The following SGCD variants were observed in gnomAD, a reference collection of about 807,000 sequenced individuals.
SGCD encodes the protein sarcoglycan delta.
SGCD carries 18 observed loss-of-function variants against 36.6 expected under a neutral mutation model. That is an observed-to-expected ratio of 0.49 (90% CI 0.34 to 0.73). SGCD has a LOEUF of 0.73. Ranked by LOEUF, SGCD falls within the 30% of genes least tolerant of loss-of-function variation. The probability of loss-of-function intolerance (pLI) is 0.01; values close to 1 mark genes in which losing one functional copy is unlikely to be tolerated. For missense variants in SGCD, 387 were observed against 346.7 expected (o/e 1.12, Z -0.92); for synonymous variants, 133 against 130.6 (o/e 1.02, Z -0.12).
At chr5:156,307,688 G>A (rs1767262565) in intron 3 of SGCD, among the ~76,000 whole-genome samples, 1 of 142,102 alleles carries the variant, frequency 7.0e-6, no homozygotes, top group Admixed American at 7.1e-5. Flanking sequence ...TAACTATTTT[G>A]TTTATAGTTA....
the SGCD span, among the ~76,000 whole-genome samples, chr5:155,736,422 G>A: frequency 6.6e-6 from 1 of 152,114 alleles, no homozygotes; most frequent in Admixed American, 6.5e-5. Flanking sequence ...TGGTATCTAA[G>A]GGTCAAGTGC....
At chr5:155,925,921 C>CT (rs113991178) in intron 1 of SGCD, among the ~76,000 whole-genome samples, 1,519 of 149,874 alleles carry the variant, frequency 0.01, 25 homozygotes, top group African/African-American at 0.034. Context: ...CACCTGGCAA[C>CT]TTTTTTTTTT....
chr5:156,315,435 TCA>T (rs951958318), intron 3 of SGCD, among the ~76,000 whole-genome samples: 16 of 151,974 alleles, frequency 1.1e-4, no homozygotes, highest in Admixed American at 4.6e-4. Flanking sequence ...TGTGTATCAA[TCA>T]CATTTTCTTT....
chr5:156,299,314 C>A (rs933635408), intron 3 of SGCD, among the ~76,000 whole-genome samples: 2 of 152,038 alleles, frequency 1.3e-5, no homozygotes, highest in African/African-American at 2.4e-5. Context: ...TGTTTTTATG[C>A]CAGTACCATG....
chr5:155,901,997 G>A (rs1158307405), intron 1 of SGCD, among the ~76,000 whole-genome samples: 1 of 152,134 alleles, frequency 6.6e-6, no homozygotes, highest in Non-Finnish European at 1.5e-5. Context: ...TTGTTCATGA[G>A]TTGATATTTT....
intron 7 of SGCD, among the ~76,000 whole-genome samples, chr5:156,747,858 C>CTGTCT (rs1757004742): frequency 6.6e-6 from 1 of 152,138 alleles, no homozygotes; most frequent in Non-Finnish European, 1.5e-5. Flanking sequence ...AAAGACATGC[C>CTGTCT]TGTCTTATAA....
chr5:156,175,264 A>T (rs1763437553), intron 3 of SGCD, among the ~76,000 whole-genome samples: 1 of 152,192 alleles, frequency 6.6e-6, no homozygotes. Context: ...ATACATAAGT[A>T]CTTGTTCAAG....
chr5:156,106,271 G>C (rs538360246), intron 1 of SGCD, among the ~76,000 whole-genome samples: 16 of 152,200 alleles, frequency 1.1e-4, no homozygotes, highest in African/African-American at 3.9e-4. Flanking sequence ...TAGCAAATTT[G>C]CAGATTTGAA....
chr5:156,548,998 C>G (rs1758689322), intron 4 of SGCD, among the ~76,000 whole-genome samples: 1 of 152,018 alleles, frequency 6.6e-6, no homozygotes, highest in African/African-American at 2.4e-5. Context: ...AGAATACTTG[C>G]CAGTTCAGAC....
intron 3 of SGCD, among the ~76,000 whole-genome samples, chr5:156,383,301 C>T (rs963155143): frequency 4.6e-5 from 7 of 151,948 alleles, no homozygotes; most frequent in African/African-American, 9.7e-5. Flanking sequence ...GTCAGGAGAT[C>T]GAGACCAGCC....
chr5:155,757,532 T>A, the SGCD span, among the ~76,000 whole-genome samples: 1 of 152,162 alleles, frequency 6.6e-6, no homozygotes, highest in African/African-American at 2.4e-5. Context: ...AGTTACTAAG[T>A]GACAGAGCAG....
At chr5:156,258,244 A>G (rs1211987756) in intron 3 of SGCD, among the ~76,000 whole-genome samples, 1 of 152,162 alleles carries the variant, frequency 6.6e-6, no homozygotes, top group African/African-American at 2.4e-5. Context: ...TCCTGATGAT[A>G]TTGCTGGTGA....
chr5:156,541,070 AAGAGTAATG>A (rs1395342200), intron 4 of SGCD, among the ~76,000 whole-genome samples: 1 of 152,174 alleles, frequency 6.6e-6, no homozygotes, highest in Non-Finnish European at 1.5e-5. Flanking sequence ...TAGCCATGGC[AAGAGTAATG>A]AGGATAATTT....
intron 1 of SGCD, among the ~76,000 whole-genome samples, chr5:156,103,706 A>G (rs1761578464): frequency 6.6e-6 from 1 of 152,136 alleles, no homozygotes; most frequent in Non-Finnish European, 1.5e-5. Context: ...GCAGTCTAAG[A>G]TAATTTATGA....
the SGCD span, among the ~76,000 whole-genome samples, chr5:155,753,284 C>CCGAGATCG: frequency 6.6e-6 from 1 of 150,490 alleles, no homozygotes; most frequent in Non-Finnish European, 1.5e-5. Flanking sequence ...TTGCAGTGAG[C>CCGAGATCG]CGAGATCGCA....
intron 1 of SGCD, among the ~76,000 whole-genome samples, chr5:156,034,650 A>AAATTTCC (rs1190929599): frequency 2.0e-5 from 3 of 152,210 alleles, no homozygotes; most frequent in Non-Finnish European, 2.9e-5. Flanking sequence ...TCAGGATGTG[A>AAATTTCC]AATTTCCAGT....
intron 3 of SGCD, among the ~76,000 whole-genome samples, chr5:156,473,379 C>T (rs1172470669): frequency 6.6e-6 from 1 of 152,224 alleles, no homozygotes; most frequent in Non-Finnish European, 1.5e-5. Context: ...ACTTACCAAA[C>T]AGCATTGCCT....
chr5:155,988,145 T>C (rs1278487958), intron 1 of SGCD, among the ~76,000 whole-genome samples: 3 of 152,202 alleles, frequency 2.0e-5, no homozygotes, highest in Admixed American at 6.5e-5. Flanking sequence ...TATTTATATA[T>C]TGGTGCTTTC....
intron 3 of SGCD, among the ~76,000 whole-genome samples, chr5:156,389,757 C>G (rs564942763): frequency 6.6e-6 from 1 of 152,192 alleles, no homozygotes; most frequent in East Asian, 1.9e-4. Flanking sequence ...TATAGTGTAA[C>G]GATTAAGAAC....
Sources: gnomAD v4.1 joint callset for allele counts (sites outside exome capture counted in the v4.1 genomes callset) on GRCh38, gnomAD v4.1.1 for gene constraint, MANE v1.5 for transcripts, NCBI Gene and HGNC (gene_info 2026-07-23, HGNC 2026-07-21) for gene names.